The following UTP6 variants were observed in gnomAD, a reference collection of about 807,000 sequenced individuals.
UTP6 encodes the protein UTP6 small subunit processome component.
In UTP6, 60 loss-of-function variants were observed where a neutral mutation model predicts 96.5. The ratio of observed to expected loss-of-function variants is 0.62; its 90% CI spans 0.51 to 0.77. The LOEUF (loss-of-function observed/expected upper bound fraction) is 0.77, where lower values mean the gene tolerates loss of function less well. Among genes scored for constraint, UTP6 ranks in the 30% least tolerant of loss-of-function variants. The probability of loss-of-function intolerance (pLI) is 0.00; values close to 1 mark genes in which losing one functional copy is unlikely to be tolerated. For synonymous variants in UTP6, 215 were observed against 240.1 expected (o/e 0.90, Z 0.96); for missense variants, 637 against 706.5 (o/e 0.90, Z 1.12).
At chr17:31,864,716 G>A (rs544865436) in intron 18 of UTP6, among the ~76,000 whole-genome samples, 8 of 151,318 alleles carry the variant, frequency 5.3e-5, no homozygotes, top group Admixed American at 1.3e-4. Flanking sequence ...CAACATCCTG[G>A]GGCCCAAACA....
chr17:31,868,204 C>A lies in UTP6; in HGVS notation c.1497-92G>T, dbSNP rs1298593148. 3.5e-6 allele frequency: 4 copies of A among 1,139,898 alleles called. No individual in the cohort carries two copies. In the East Asian group the frequency reaches 7.9e-5, roughly 23 times the overall value. The allele number at this position is 1,139,898 out of a possible 1,614,324, so 70.6% of individuals were successfully genotyped here. A position where few individuals can be genotyped will look rare whatever the true frequency, so the allele number is the denominator to read the frequency against. On this transcript the variant is annotated intron_variant, in intron 16 of 18. Coordinates refer to ENST00000261708, the MANE Select transcript of UTP6 (RefSeq NM_018428.3). Reference sequence around the variant, plus strand: ...AATACCGAGACCAGTGCCTCCACAACACATGGTTTAATAAAGACTTGACTT... The same window carrying A: ...AATACCGAGACCAGTGCCTCCACAAAACATGGTTTAATAAAGACTTGACTT...
At chr17:31,890,636 A>G (rs949072810) in intron 6 of UTP6, among the ~76,000 whole-genome samples, 22 of 150,912 alleles carry the variant, frequency 1.5e-4, no homozygotes, top group Admixed American at 6.6e-5. Context: ...AAGTCCAGAA[A>G]AAACTGCTTA....
Position 31,901,249 on chromosome 17 carries a change from G to A in UTP6, c.92+287C>T, listed in dbSNP as rs919553888. On this transcript the variant is annotated intron_variant, in intron 1 of 18. Transcript: ENST00000261708. ...TTGTCTGTCTCCCCCACCACACTCT[G>A]CCCAATTAGCTCCTAATGAGCAGGA... 7.2e-5 allele frequency: 30 copies of A among 418,174 alleles called. 1 individual carries two copies. The highest frequency in any genetic ancestry group is 1.3e-5 in the Non-Finnish European group (3 of 222,896). 25.9% of individuals were successfully genotyped at this position (418,174 alleles called of 1,614,324 possible). A position where few individuals can be genotyped will look rare whatever the true frequency, so the allele number is the denominator to read the frequency against.
intron 2 of UTP6, among the ~76,000 whole-genome samples, chr17:31,895,784 T>C (rs1002371413): frequency 1.2e-4 from 18 of 152,090 alleles, no homozygotes; most frequent in Non-Finnish European, 2.4e-4. Flanking sequence ...TCCACCCACC[T>C]TGGCCTCCCA....
intron 17 of UTP6, 96 bp from the exon 18 acceptor site, chr17:31,865,534 T>C (rs956466990): frequency 4.8e-6 from 6 of 1,237,504 alleles, no homozygotes; most frequent in Non-Finnish European, 6.9e-6. Context: ...CTGTCAGGTA[T>C]TTGAAGGGAA....
rs1909593569 is a variant in UTP6 at position 31,862,535 on chromosome 17, T to C, written c.*824A>G. 1 of 152,144 alleles carries C rather than the reference T, an allele frequency of 6.6e-6. No individual in the cohort carries two copies. Among genetic ancestry groups the C allele is most frequent in the African/African-American group, 2.4e-5 (1 of 41,430 alleles). The allele number at this position is 152,144 out of a possible 1,614,324, so 9.4% of individuals were successfully genotyped here. A position where few individuals can be genotyped will look rare whatever the true frequency, so the allele number is the denominator to read the frequency against. On this transcript the variant is annotated 3_prime_UTR_variant, in exon 19 of 19. Coordinates refer to ENST00000261708, the MANE Select transcript of UTP6 (RefSeq NM_018428.3). ...AGAACAAATGCATACCACGTATCTTTTATAATGAGAATAAACCAACAAAAC... is the reference window on the plus strand; with the variant it reads ...AGAACAAATGCATACCACGTATCTTCTATAATGAGAATAAACCAACAAAAC...
intron 4 of UTP6, among the ~76,000 whole-genome samples, chr17:31,893,158 A>G (rs1031882251): frequency 6.6e-6 from 1 of 152,172 alleles, no homozygotes; most frequent in East Asian, 1.9e-4. Flanking sequence ...CTGTAATCCC[A>G]GCTACTCAGG....
intron 4 of UTP6, 107 bp downstream of exon 4, chr17:31,894,538 T>C: frequency 1.3e-6 from 1 of 786,170 alleles, no homozygotes; most frequent in Non-Finnish European, 2.0e-6. Context: ...AGAGTAAGTA[T>C]AAAGATACCC....
At chr17:31,897,604 C>T in intron 2 of UTP6, among the ~76,000 whole-genome samples, 1 of 151,870 alleles carries the variant, frequency 6.6e-6, no homozygotes, top group East Asian at 1.9e-4. Flanking sequence ...CCCAACACCA[C>T]ACCCGGCTAA....
intron 11 of UTP6, among the ~76,000 whole-genome samples, chr17:31,879,823 C>T (rs1000355917): frequency 2.6e-5 from 4 of 151,772 alleles, no homozygotes; most frequent in African/African-American, 7.2e-5. Context: ...AAGCCAGGCA[C>T]GGCCAAATGC....
chr17:31,892,833 C>A (rs867200876), intron 4 of UTP6, 39 bp from the exon 5 acceptor site: 11 of 1,612,722 alleles, frequency 6.8e-6, no homozygotes, highest in Non-Finnish European at 9.3e-6. Flanking sequence ...CCAAATTTGA[C>A]CTTTACATAT....
intron 14 of UTP6, 63 bp from the exon 15 acceptor site, chr17:31,873,816 TATAA>T: frequency 6.7e-7 from 1 of 1,500,034 alleles, no homozygotes; most frequent in Non-Finnish European, 9.0e-7. Flanking sequence ...GCATGTACCC[TATAA>T]ATATGTAAAA....
chr17:31,889,311 G>A lies in UTP6; in HGVS notation c.517C>T (p.Pro173Ser). Reference protein sequence around the residue: ...QLFLRALRFHPECPKLYKEYF... With the variant: ...QLFLRALRFHSECPKLYKEYF... ...TCTTTATAAAGTTTTGGGCACTCTG[G>A]ATGAAAGCGCAGTGCGCGAAGAAAT... Residue 173 changes from proline to serine, a missense_variant, in exon 7 of 19, where the codon CCA (proline) becomes TCA (serine). Transcript: ENST00000261708. 1 of 1,613,458 alleles carries A rather than the reference G, an allele frequency of 6.2e-7. No homozygotes were observed. Among genetic ancestry groups the A allele is most frequent in the Non-Finnish European group, 8.5e-7 (1 of 1,179,666 alleles).
At chr17:31,874,952 T>C (rs1277208502) in intron 14 of UTP6, among the ~76,000 whole-genome samples, 2 of 149,732 alleles carry the variant, frequency 1.3e-5, no homozygotes, top group Non-Finnish European at 3.0e-5. Flanking sequence ...AAAAAAAAGG[T>C]TGGGCTTATA....
intron 9 of UTP6, among the ~76,000 whole-genome samples, 162 bp from the exon 10 acceptor site, chr17:31,884,667 T>G (rs978778315): frequency 1.3e-5 from 2 of 152,130 alleles, no homozygotes; most frequent in Non-Finnish European, 2.9e-5. Flanking sequence ...CTCACCCCAG[T>G]GTCCCCCTAC....
At chr17:31,871,932 A>G (rs1910193757) in intron 16 of UTP6, among the ~76,000 whole-genome samples, 1 of 151,816 alleles carries the variant, frequency 6.6e-6, no homozygotes, top group Non-Finnish European at 1.5e-5. Context: ...AGTGGCTCAC[A>G]CCTGTAATCC....
At chr17:31,868,644 G>C (rs991370606) in intron 16 of UTP6, among the ~76,000 whole-genome samples, 2 of 151,868 alleles carry the variant, frequency 1.3e-5, no homozygotes, top group Non-Finnish European at 2.9e-5. Flanking sequence ...TTTTCTTACT[G>C]TACTCTTCTT....
At chr17:31,895,222 G>A (rs545984882) in intron 2 of UTP6, among the ~76,000 whole-genome samples, 6 of 152,246 alleles carry the variant, frequency 3.9e-5, no homozygotes, top group African/African-American at 1.4e-4. Context: ...ATAATTACAT[G>A]CTTCACTTAA....
chr17:31,895,740 G>T (rs932438450), intron 2 of UTP6, among the ~76,000 whole-genome samples: 1 of 151,900 alleles, frequency 6.6e-6, no homozygotes, highest in African/African-American at 2.4e-5. Context: ...CACCATGTTG[G>T]CTAGGCTGGT....
Sources: gnomAD v4.1 joint callset for allele counts (sites outside exome capture counted in the v4.1 genomes callset) on GRCh38, gnomAD v4.1.1 for gene constraint, MANE v1.5 for transcripts, NCBI Gene and HGNC (gene_info 2026-07-23, HGNC 2026-07-21) for gene names.